The following DSCAML1 variants were observed in gnomAD, a reference collection of about 807,000 sequenced individuals.
DSCAML1 encodes the protein cell adhesion molecule DSCAML1.
In DSCAML1, 38 loss-of-function variants were observed where a neutral mutation model predicts 200.5. That is an observed-to-expected ratio of 0.19 (90% confidence interval 0.15 to 0.25). DSCAML1 has a LOEUF of 0.25. Among genes scored for constraint, DSCAML1 ranks in the 10% least tolerant of loss-of-function variants. The pLI is 1.00. For synonymous variants in DSCAML1, 1,215 were observed against 1,165.0 expected, an observed-to-expected ratio of 1.04 and a Z score of -0.87; for missense variants, 2,223 against 2,858.8, an observed-to-expected ratio of 0.78 and a Z score of 5.07.
At chr11:117,442,788 G>A (rs2048095211) in intron 21 of DSCAML1, among the ~76,000 whole-genome samples, 1 of 152,182 alleles carries the variant, frequency 6.6e-6, no homozygotes, top group African/African-American at 2.4e-5. Flanking sequence ...GGGGTTAGGG[G>A]GTGGTAGGAG....
At chr11:117,711,642 A>G (rs1382869663) in intron 3 of DSCAML1, among the ~76,000 whole-genome samples, 1 of 152,146 alleles carries the variant, frequency 6.6e-6, no homozygotes. Flanking sequence ...CTTTACTCAA[A>G]TATCTGCAAT....
At chr11:117,576,318 C>T (rs1270384707) in intron 3 of DSCAML1, among the ~76,000 whole-genome samples, 1 of 152,158 alleles carries the variant, frequency 6.6e-6, no homozygotes, top group Non-Finnish European at 1.5e-5. Flanking sequence ...AGCAACTCCC[C>T]TTCCCAGAGG....
chr11:117,760,813 A>G (rs2137891250), intron 3 of DSCAML1, among the ~76,000 whole-genome samples: 1 of 152,302 alleles, frequency 6.6e-6, no homozygotes, highest in East Asian at 1.9e-4. Flanking sequence ...AGTTTGTCAA[A>G]CTGGACCAAT....
intron 3 of DSCAML1, among the ~76,000 whole-genome samples, chr11:117,614,298 A>G (rs2137537176): frequency 6.6e-6 from 1 of 152,206 alleles, no homozygotes; most frequent in Middle Eastern, 3.4e-3. Flanking sequence ...GAATGAAATG[A>G]CAATCGTGCA....
intron 3 of DSCAML1, among the ~76,000 whole-genome samples, chr11:117,612,751 T>C (rs2051722381): frequency 6.6e-6 from 1 of 152,170 alleles, no homozygotes; most frequent in African/African-American, 2.4e-5. Flanking sequence ...ATGGGCATCG[T>C]CAAGGGGTGA....
chr11:117,533,739 G>A (rs996658950), intron 3 of DSCAML1, among the ~76,000 whole-genome samples: 2 of 151,820 alleles, frequency 1.3e-5, no homozygotes, highest in African/African-American at 2.4e-5. Context: ...CTTGTCTAAG[G>A]TCCTAAGGCT....
intron 3 of DSCAML1, among the ~76,000 whole-genome samples, chr11:117,764,489 A>T (rs532604542): frequency 1.3e-5 from 2 of 152,352 alleles, no homozygotes; most frequent in Admixed American, 6.5e-5. Context: ...TCTACATAAC[A>T]CAGCACCCAT....
chr11:117,512,500 G>A (rs35200015), intron 8 of DSCAML1, among the ~76,000 whole-genome samples: 29,111 of 152,098 alleles, frequency 0.19, 2,962 homozygotes, highest in South Asian at 0.32. Context: ...AGTGGTGGGG[G>A]CACGTCCCAG....
In DSCAML1 at chr11:117,642,808, C is replaced by T. The variant is rs2052439602; in HGVS notation, c.512-110286G>A. On this transcript the variant is annotated intron_variant, in intron 3 of 32. Transcript: ENST00000651296. The surrounding 1 kb of genome is among the most constrained non-coding windows in gnomAD (Gnocchi z 4.1). ...TCCTTCATCCCCTTTCCACCTCCAA[C>T]CCTTTGTCCAGAGCACCCTTCCTGG... Among the ~76,000 whole-genome samples, 1 of 152,190 alleles carries T rather than the reference C, an allele frequency of 6.6e-6. No homozygotes were observed. The highest frequency in any genetic ancestry group is 2.4e-5 in the African/African-American group (1 of 41,448).
rs543277990 is a variant in DSCAML1 at position 117,632,277 on chromosome 11, G to C, written c.512-99755C>G. On this transcript the variant is annotated intron_variant, in intron 3 of 32. Coordinates refer to ENST00000651296, the MANE Select transcript of DSCAML1 (RefSeq NM_020693.4). ...GCGGTCTTGGATGCTCCTGGGGCCAGGAAGCTCACCACTTCTCGAGAGAGG... is the reference window on the plus strand; with the variant it reads ...GCGGTCTTGGATGCTCCTGGGGCCACGAAGCTCACCACTTCTCGAGAGAGG... 1.1e-4 allele frequency among the ~76,000 whole-genome samples: 16 copies of C among 152,304 alleles called. No individual in the cohort carries two copies. In the South Asian group the frequency reaches 3.3e-3, roughly 32 times the overall value.
intron 3 of DSCAML1, among the ~76,000 whole-genome samples, chr11:117,609,486 T>G (rs1192369269): frequency 6.6e-6 from 1 of 151,896 alleles, no homozygotes; most frequent in Non-Finnish European, 1.5e-5. Context: ...TAAAAAAACA[T>G]TGTAGAGACC....
chr11:117,453,115 A>T (rs1020557688), intron 19 of DSCAML1, among the ~76,000 whole-genome samples: 1 of 151,964 alleles, frequency 6.6e-6, no homozygotes, highest in Non-Finnish European at 1.5e-5. Context: ...TTGTATTTTT[A>T]GTAGAGACGG....
At chr11:117,474,794 G>A (rs1290261461) in intron 14 of DSCAML1, among the ~76,000 whole-genome samples, 1 of 144,692 alleles carries the variant, frequency 6.9e-6, no homozygotes, top group Non-Finnish European at 1.5e-5. Context: ...TCGCTCTGTC[G>A]CCCAGGCTGG....
At chr11:117,581,629 G>T (rs751829103) in intron 3 of DSCAML1, among the ~76,000 whole-genome samples, 7 of 152,174 alleles carry the variant, frequency 4.6e-5, no homozygotes, top group Admixed American at 2.0e-4. Context: ...ACACAGGTAA[G>T]ATCCATGCGT....
At chr11:117,704,294 A>G (rs1459052190) in intron 3 of DSCAML1, among the ~76,000 whole-genome samples, 1 of 152,112 alleles carries the variant, frequency 6.6e-6, no homozygotes, top group Non-Finnish European at 1.5e-5. Context: ...ATTCCTTGAA[A>G]AGCTCAGTGT....
chr11:117,443,868 C>T lies in DSCAML1; in HGVS notation c.3862+18G>A, dbSNP rs767560259. The T allele has an allele frequency of 6.4e-6, 10 of 1,574,522 alleles. No homozygotes were observed. In the Admixed American group the frequency reaches 1.8e-4, roughly 28 times the overall value. On this transcript the variant is annotated intron_variant, in intron 21 of 32. Coordinates refer to ENST00000651296, the MANE Select transcript of DSCAML1 (RefSeq NM_020693.4). ...TTTGGAAGTGTTTGCCCCTCTGCCA[C>T]AGCCTCAGGCTTCTCACCCTTGCCA...
At chr11:117,680,117 G>C (rs1185478212) in intron 3 of DSCAML1, among the ~76,000 whole-genome samples, 2 of 152,224 alleles carry the variant, frequency 1.3e-5, no homozygotes, top group African/African-American at 4.8e-5. Flanking sequence ...GCCCGACCAT[G>C]AGATCTCTAG....
At chr11:117,439,171 G>T in intron 23 of DSCAML1, 95 bp downstream of exon 23, 1 of 1,523,834 alleles carries the variant, frequency 6.6e-7, no homozygotes, top group Non-Finnish European at 8.9e-7. Flanking sequence ...CCTTGGTTTG[G>T]CTTCTTCCAT....
At chr11:117,650,720 G>C (rs1313920690) in intron 3 of DSCAML1, among the ~76,000 whole-genome samples, 6 of 139,656 alleles carry the variant, frequency 4.3e-5, no homozygotes, top group Admixed American at 3.6e-4. Flanking sequence ...TGTGTGGTGG[G>C]GATTGGGGTT....
Sources: allele counts gnomAD v4.1 joint callset (sites outside exome capture counted in the v4.1 genomes callset), GRCh38; gene constraint gnomAD v4.1.1; non-coding constraint Gnocchi (gnomAD v3.1); transcripts MANE v1.5; gene names NCBI Gene and HGNC (gene_info 2026-07-23, HGNC 2026-07-21).